SACS: variants seen among roughly 807,000 people sequenced by gnomAD.
SACS encodes sacsin molecular chaperone, also known as sacsin.
Under a neutral mutation model 348.0 loss-of-function variants are expected in SACS, and 197 were observed. The observed-to-expected ratio is 0.57, with a 90% CI of 0.50 to 0.64. SACS has a LOEUF of 0.64. Among genes scored for constraint, SACS ranks in the 30% least tolerant of loss-of-function variants. The probability of loss-of-function intolerance (pLI) is 0.00; values close to 1 mark genes in which losing one functional copy is unlikely to be tolerated. For synonymous variants in SACS, 1,985 were observed against 1,910.6 expected, an observed-to-expected ratio of 1.04 and a Z score of -1.02; for missense variants, 4,999 against 5,360.8, an observed-to-expected ratio of 0.93 and a Z score of 2.11.
In SACS at chr13:23,399,779, C is replaced by A. The variant is rs138509949; in HGVS notation, c.20+11441G>T. ...GACTCTGAGCTCTTGTTTCTAACAT[C>A]CCCCATCACAGACATGCTAGCCCCT... On this transcript the variant is annotated intron_variant, in intron 2 of 9. Coordinates refer to ENST00000382292, the MANE Select transcript of SACS (RefSeq NM_014363.6). Among the ~76,000 whole-genome samples, 99 of 152,082 alleles carry A rather than the reference C, an allele frequency of 6.5e-4. No homozygotes were observed. The East Asian group carries it at 0.018, about 27-fold the overall frequency.
chr13:23,432,797 A>T (rs865890502), intron 1 of SACS, among the ~76,000 whole-genome samples: 1 of 152,308 alleles, frequency 6.6e-6, no homozygotes, highest in South Asian at 2.1e-4. Flanking sequence ...CGTGGATTCA[A>T]CCTGGCTTCT....
chr13:23,368,537 T>C (rs1396290701), intron 4 of SACS, 50 bp from the exon 5 acceptor site: 1 of 1,311,336 alleles, frequency 7.6e-7, no homozygotes, highest in South Asian at 1.2e-5. Context: ...ATCCCATGAA[T>C]TGTCACCAAT....
chr13:23,380,653 C>T lies in SACS; in HGVS notation c.21-5384G>A, dbSNP rs557956265. Among the ~76,000 whole-genome samples the T allele has an allele frequency of 2.0e-5, 3 of 152,260 alleles. No homozygotes were observed. In the East Asian group the frequency reaches 5.8e-4, roughly 29 times the overall value. On this transcript the variant is annotated intron_variant, in intron 2 of 9. Coordinates refer to ENST00000382292, the MANE Select transcript of SACS (RefSeq NM_014363.6). ...TAATCTTCACTAAAATCCTATGAGG[C>T]ATTATTGTTTCTACTTTACACATGA...
Position 23,334,562 on chromosome 13 carries a change from A to C in SACS, c.9314T>G (p.Phe3105Cys). 6.2e-7 allele frequency: 1 copy of C among 1,613,492 alleles called. No individual in the cohort carries two copies. The highest frequency in any genetic ancestry group is 8.5e-7 in the Non-Finnish European group (1 of 1,179,716). The change falls in exon 10 of 10, where the codon TTT becomes TGT. Residue 3105 changes from phenylalanine to cysteine, a missense_variant. Around this residue, in one of 6 missense-constraint regions of SACS, gnomAD observed 734 missense variants for 694.0 expected, o/e 1.06. Coordinates refer to ENST00000382292, the MANE Select transcript of SACS (RefSeq NM_014363.6). ...PADIRSFLMT[F>C]SSPDTNCHIG... ...ATGGCAATTAGTGTCAGGAGAGGAAAATGTCATTAAAAAAGATCTGATATC... is the reference window on the plus strand; with the variant it reads ...ATGGCAATTAGTGTCAGGAGAGGAACATGTCATTAAAAAAGATCTGATATC...
At chr13:23,401,392 A>G (rs1219969395) in intron 2 of SACS, among the ~76,000 whole-genome samples, 1 of 152,306 alleles carries the variant, frequency 6.6e-6, no homozygotes, top group Non-Finnish European at 1.5e-5. Context: ...CCCCACTTCC[A>G]GTCTTCATGC....
Position 23,334,668 on chromosome 13 carries a change from C to G in SACS, c.9208G>C (p.Val3070Leu). Residue 3070 changes from valine (V) to leucine (L), a missense_variant, in exon 10 of 10, where the codon GTT becomes CTT. Coordinates refer to ENST00000382292, the MANE Select transcript of SACS (RefSeq NM_014363.6). ...TTAGCAGTTTCATCACAGTTATAAACCAAGTTGAAACCAATTTCTAAAAGG... is the reference window on the plus strand; with the variant it reads ...TTAGCAGTTTCATCACAGTTATAAAGCAAGTTGAAACCAATTTCTAAAAGG... ...HLLLEIGFNL[V>L]YNCDETANLY... The G allele has an allele frequency of 6.2e-7, 1 of 1,613,672 alleles. No individual in the cohort carries two copies. Among genetic ancestry groups the G allele is most frequent in the Non-Finnish European group, 8.5e-7 (1 of 1,179,734 alleles).
chr13:23,397,917 C>G (rs1444814189), intron 2 of SACS, among the ~76,000 whole-genome samples: 1 of 152,134 alleles, frequency 6.6e-6, no homozygotes, highest in Non-Finnish European at 1.5e-5. Context: ...GAAGGCCAGG[C>G]GTGGTGGCTG....
intron 2 of SACS, among the ~76,000 whole-genome samples, chr13:23,393,982 G>T (rs1872622124): frequency 6.6e-6 from 1 of 152,110 alleles, no homozygotes; most frequent in African/African-American, 2.4e-5. Context: ...GGATAGTCTG[G>T]ATCTCCTGAC....
rs2737700 is a variant in SACS at position 23,333,895 on chromosome 13, A to G, written c.9981T>C (p.Ala3327=). ...SDKVFHALMK[A]GCIQLALNKI... ...TGTTCAAAGCAAGCTGAATACAGCC[A>G]GCTTTCATTAGAGCATGAAAAACTT... The change falls in exon 10 of 10, where the codon GCT becomes GCC. Residue 3327 remains alanine, a synonymous_variant. Coordinates refer to ENST00000382292, the MANE Select transcript of SACS (RefSeq NM_014363.6). 0.43 allele frequency: 691,870 copies of G among 1,613,544 alleles called. 152,040 individuals are homozygous for G. Among genetic ancestry groups the G allele is most frequent in the Non-Finnish European group, 0.45 (530,195 of 1,179,734 alleles).
chr13:23,338,109 G>A lies in SACS; in HGVS notation c.5767C>T (p.Gln1923Ter). 6.2e-7 allele frequency: 1 copy of A among 1,614,092 alleles called. No individual in the cohort carries two copies. The change falls in exon 10 of 10, where the codon CAG (glutamine) becomes TAG (stop). Residue 1923 changes from glutamine to a stop codon, truncating the protein, a stop_gained. Transcript: ENST00000382292. LOFTEE classifies it high-confidence loss of function. ...MRHVIVKAYL[Q>*]VLSVLRDLAT... ...AGGTCCCGTAAGACACTCAGTACCTGTAAGTAAGCTTTCACAATAACATGT... is the reference window on the plus strand; with the variant it reads ...AGGTCCCGTAAGACACTCAGTACCTATAAGTAAGCTTTCACAATAACATGT...
chr13:23,407,027 G>A (rs184707797), intron 2 of SACS, among the ~76,000 whole-genome samples: 127 of 152,234 alleles, frequency 8.3e-4, no homozygotes, highest in Non-Finnish European at 1.6e-3. Flanking sequence ...AACCATGACC[G>A]TGACACTGAT....
rs1029961212 is a variant in SACS, at chr13:23,335,638, T to G, written c.8238A>C (p.Lys2746Asn). The change falls in exon 10 of 10, where the codon AAA (lysine) becomes AAC (asparagine). Residue 2746 changes from lysine (K) to asparagine (N), a missense_variant. Lys to Asn is a moderately conservative substitution (Grantham distance 94). Transcript: ENST00000382292. The surrounding 1 kb of genome is among the most constrained non-coding windows in gnomAD (Gnocchi z 4.7). ...TCTTATCTATTTCACAAATAGAAAT[T>G]TTTTCCATGTGATTAAGAAACATTA... ...ELLMFLNHME[K>N]ISICEIDKST... The G allele has an allele frequency of 1.9e-6, 3 of 1,613,958 alleles. No individual in the cohort carries two copies. The highest frequency in any genetic ancestry group is 1.7e-5 in the Admixed American group (1 of 59,990).
chr13:23,378,685 G>A (rs896469437), intron 2 of SACS, among the ~76,000 whole-genome samples: 1 of 151,976 alleles, frequency 6.6e-6, no homozygotes, highest in Non-Finnish European at 1.5e-5. Context: ...AGGTGTTTCC[G>A]CCCACCTCAG....
Position 23,339,564 on chromosome 13 carries a change from A to C in SACS, c.4312T>G (p.Cys1438Gly). The C allele has an allele frequency of 6.2e-7, 1 of 1,612,958 alleles. No individual in the cohort carries two copies. Among genetic ancestry groups the C allele is most frequent in the Non-Finnish European group, 8.5e-7 (1 of 1,178,998 alleles). Residue 1438 changes from cysteine to glycine, a missense_variant, in exon 10 of 10, where the codon TGC (cysteine) becomes GGC (glycine). This residue lies in a region of SACS where 3,156 missense variants were observed against 3,380.1 expected (regional missense o/e 0.93). Coordinates refer to ENST00000382292, the MANE Select transcript of SACS (RefSeq NM_014363.6). ...GGATTTATCAGTCTTGTACTAAGGC[A>C]TGGAACTTTTAGCCATTCTGCAGTT... is the stretch of plus-strand genomic sequence containing the variant. ...MKTAEWLKVP[C>G]LSTRLINPEN... is the part of the protein sequence containing the mutation.
chr13:23,378,733 C>A (rs771476004), intron 2 of SACS, among the ~76,000 whole-genome samples: 1 of 152,166 alleles, frequency 6.6e-6, no homozygotes, highest in Non-Finnish European at 1.5e-5. Flanking sequence ...TGAGCCACCA[C>A]GCCTGGCTCT....
At chr13:23,406,952 AC>A (rs1352580645) in intron 2 of SACS, among the ~76,000 whole-genome samples, 2 of 152,004 alleles carry the variant, frequency 1.3e-5, no homozygotes, top group Admixed American at 6.6e-5. Context: ...GCTATTTTTC[AC>A]CTCTTTGCAA....
intron 9 of SACS, among the ~76,000 whole-genome samples, chr13:23,348,958 G>A (rs1869787272): frequency 6.8e-6 from 1 of 146,950 alleles, no homozygotes; most frequent in African/African-American, 2.4e-5. Flanking sequence ...TAGAACAGAA[G>A]AGGGCAATTA....
chr13:23,384,285 C>T (rs1278106931), intron 2 of SACS, among the ~76,000 whole-genome samples: 1 of 152,252 alleles, frequency 6.6e-6, no homozygotes, highest in African/African-American at 2.4e-5. Flanking sequence ...AGTGACTGCA[C>T]AGGAATGAAA....
chr13:23,430,794 G>T (rs972088230), intron 1 of SACS, among the ~76,000 whole-genome samples: 1 of 152,148 alleles, frequency 6.6e-6, no homozygotes, highest in Non-Finnish European at 1.5e-5. Context: ...GTGTAATCTC[G>T]AGCAGAATAT....
Sources: gnomAD v4.1 joint callset for allele counts (sites outside exome capture counted in the v4.1 genomes callset) on GRCh38, gnomAD v4.1.1 for gene constraint, gnomAD v4.1.1 regional missense constraint, Gnocchi (gnomAD v3.1) non-coding constraint, MANE v1.5 for transcripts, NCBI Gene and HGNC (gene_info 2026-07-23, HGNC 2026-07-21) for gene names.